DAB1: variants seen among roughly 807,000 people sequenced by gnomAD.
The protein encoded by DAB1 is disabled homolog 1.
Under a neutral mutation model 64.6 loss-of-function variants are expected in DAB1, and 15 were observed. That is an observed-to-expected ratio of 0.23 (90% CI 0.16 to 0.36). DAB1 has a LOEUF of 0.36. DAB1 is among the 10% of genes least tolerant of loss of function. DAB1 has a pLI of 1.00. For missense variants in DAB1, 596 were observed against 706.7 expected (o/e 0.84, Z 1.78); for synonymous variants, 235 against 251.9 (o/e 0.93, Z 0.64).
intron 2 of DAB1, among the ~76,000 whole-genome samples, chr1:58,522,422 T>C (rs1156413190): frequency 1.3e-5 from 2 of 152,182 alleles, no homozygotes; most frequent in Non-Finnish European, 2.9e-5. Flanking sequence ...AACTCTTTCA[T>C]TTGATAAAAA....
chr1:57,704,039 G>A (rs1646937662), intron 6 of DAB1, among the ~76,000 whole-genome samples: 1 of 152,078 alleles, frequency 6.6e-6, no homozygotes, highest in Admixed American at 6.6e-5. Flanking sequence ...CCCATTGGAG[G>A]GTGGAGGGTG....
At position 58,145,791 on chromosome 1, in the gene DAB1, A is replaced by T. The variant is rs531548045; in HGVS notation, n.387+4720T>A. Reference sequence around the variant, plus strand: ...TTCCACGGACATGCGCTTCACTGACATAAAAGGAAGAATTTAAGCAGGAAT... The same window carrying T: ...TTCCACGGACATGCGCTTCACTGACTTAAAAGGAAGAATTTAAGCAGGAAT... On this transcript the variant is annotated intron_variant and non_coding_transcript_variant, in intron 5 of 20. Coordinates refer to the DAB1 transcript ENST00000485760. 6.6e-5 allele frequency among the ~76,000 whole-genome samples: 10 copies of T among 152,362 alleles called. No homozygotes were observed. In the South Asian group the frequency reaches 2.1e-3, roughly 32 times the overall value.
intron 2 of DAB1, among the ~76,000 whole-genome samples, chr1:57,188,889 T>G (rs1470656026): frequency 2.0e-5 from 3 of 152,146 alleles, no homozygotes; most frequent in Non-Finnish European, 2.9e-5. Context: ...CTTAAAAAAT[T>G]TTCTCACTTA....
At chr1:57,816,020 T>G (rs2101890250) in intron 6 of DAB1, among the ~76,000 whole-genome samples, 2 of 152,290 alleles carry the variant, frequency 1.3e-5, no homozygotes, top group African/African-American at 4.8e-5. Flanking sequence ...CCACTGGCCA[T>G]CTGGATGATA....
chr1:57,741,923 C>G, intron 6 of DAB1, among the ~76,000 whole-genome samples: 1 of 152,202 alleles, frequency 6.6e-6, no homozygotes. Flanking sequence ...ATTGTAATCA[C>G]TGTAAACTTT....
At chr1:57,594,436 C>T (rs2006799) in intron 7 of DAB1, among the ~76,000 whole-genome samples, 38,292 of 151,918 alleles carry the variant, frequency 0.25, 5,215 homozygotes, top group East Asian at 0.33. Flanking sequence ...ACTTTAGAAC[C>T]GGATTGAGAC....
At chr1:57,365,347 A>C (rs904494987) in intron 1 of DAB1, among the ~76,000 whole-genome samples, 2 of 143,322 alleles carry the variant, frequency 1.4e-5, no homozygotes, top group East Asian at 4.0e-4. Flanking sequence ...ATATATAAAT[A>C]TATATTTATA....
At chr1:57,472,850 C>A (rs1226631702) in intron 7 of DAB1, among the ~76,000 whole-genome samples, 1 of 152,194 alleles carries the variant, frequency 6.6e-6, no homozygotes, top group Non-Finnish European at 1.5e-5. Context: ...TTTGCCTTAG[C>A]ATGTCCATAC....
chr1:57,377,404 T>C (rs1680995423), intron 1 of DAB1, among the ~76,000 whole-genome samples: 1 of 152,156 alleles, frequency 6.6e-6, no homozygotes, highest in Non-Finnish European at 1.5e-5. Context: ...TGAAGATACC[T>C]GAGCACCACT....
At chr1:57,033,217 G>A (rs58997596) in intron 9 of DAB1, among the ~76,000 whole-genome samples, 2,524 of 151,950 alleles carry the variant, frequency 0.017, 61 homozygotes, top group African/African-American at 0.057. Flanking sequence ...CTCACTATCT[G>A]ACCTCATGGC....
chr1:57,189,879 T>C (rs1467158608), intron 2 of DAB1, among the ~76,000 whole-genome samples: 2 of 148,498 alleles, frequency 1.3e-5, no homozygotes, highest in Non-Finnish European at 3.0e-5. Flanking sequence ...AAAACAACCA[T>C]AAGGGTCTGT....
chr1:58,415,493 G>C (rs1165322433), intron 3 of DAB1: 1 of 243,322 alleles, frequency 4.1e-6, no homozygotes, highest in East Asian at 1.8e-4. Context: ...ATCCTAGAAA[G>C]GAGACAAAAA....
intron 7 of DAB1, among the ~76,000 whole-genome samples, chr1:57,495,874 G>T (rs1398776013): frequency 6.6e-6 from 1 of 152,106 alleles, no homozygotes; most frequent in Non-Finnish European, 1.5e-5. Flanking sequence ...CCAACTGTCA[G>T]AATTCAACAT....
At chr1:57,087,176 C>G (rs535311828) in intron 4 of DAB1, among the ~76,000 whole-genome samples, 27 of 152,308 alleles carry the variant, frequency 1.8e-4, no homozygotes, top group Middle Eastern at 3.4e-3. Context: ...CAGAAAGGCA[C>G]AGGGCATAGA....
intron 1 of DAB1, among the ~76,000 whole-genome samples, chr1:57,421,994 A>G (rs1391031268): frequency 6.7e-6 from 1 of 149,890 alleles, no homozygotes; most frequent in African/African-American, 2.5e-5. Flanking sequence ...GGTGCCATCC[A>G]GAATCACTCA....
At chr1:58,481,100 G>T in intron 3 of DAB1, 1 of 871,898 alleles carries the variant, frequency 1.1e-6, no homozygotes, top group Non-Finnish European at 2.0e-6. Flanking sequence ...AATGCTTCGT[G>T]CTGAGTTTGA....
chr1:58,192,591 T>G (rs1199363652), intron 4 of DAB1, among the ~76,000 whole-genome samples: 4 of 152,198 alleles, frequency 2.6e-5, no homozygotes, highest in Non-Finnish European at 5.9e-5. Flanking sequence ...GCAAAATACA[T>G]GATTTCATTT....
chr1:58,298,882 ACTC>A (rs759910417), intron 4 of DAB1, among the ~76,000 whole-genome samples: 26 of 151,976 alleles, frequency 1.7e-4, no homozygotes, highest in Non-Finnish European at 3.4e-4. Flanking sequence ...TAATTACTCT[ACTC>A]TATGTAGAAG....
chr1:57,145,506 C>A, intron 2 of DAB1, 77 bp from the exon 3 acceptor site: 1 of 1,486,142 alleles, frequency 6.7e-7, no homozygotes, highest in South Asian at 1.2e-5. Context: ...ATTCCAAGAT[C>A]CGCTGTCTGG....
Sources: allele counts gnomAD v4.1 joint callset (sites outside exome capture counted in the v4.1 genomes callset), GRCh38; gene constraint gnomAD v4.1.1; transcripts MANE v1.5; gene names NCBI Gene and HGNC (gene_info 2026-07-23, HGNC 2026-07-21).